TVP23C: variants seen among roughly 807,000 people sequenced by gnomAD.
TVP23C encodes the protein Golgi apparatus membrane protein TVP23 homolog C.
TVP23C carries 19 observed loss-of-function variants against 28.7 expected under a neutral mutation model. That is an observed-to-expected ratio of 0.66 (90% confidence interval 0.46 to 0.97). TVP23C has a LOEUF of 0.97. Ranked by LOEUF, TVP23C falls within the 50% of genes least tolerant of loss-of-function variation. The probability of loss-of-function intolerance (pLI) is 0.00; values close to 1 mark genes in which losing one functional copy is unlikely to be tolerated. For synonymous variants in TVP23C, 68 were observed against 81.7 expected, an observed-to-expected ratio of 0.83 and a Z score of 0.90; for missense variants, 186 against 241.3, an observed-to-expected ratio of 0.77 and a Z score of 1.52.
Position 15,539,434 on chromosome 17 carries a change from C to T in TVP23C, c.*978G>A, listed in dbSNP as rs1389878393. The T allele has an allele frequency of 4.4e-6, 2 of 450,104 alleles. No homozygotes were observed. The highest frequency in any genetic ancestry group is 5.9e-6 in the Non-Finnish European group (2 of 341,114). 27.9% of individuals were successfully genotyped at this position (450,104 alleles called of 1,614,324 possible). ...CATCCTGGCTAACACGGTGAAACCC[C>T]GTCTCTACTAAAAATACAAAAAAGC... On this transcript the variant is annotated 3_prime_UTR_variant, in exon 6 of 6. Coordinates refer to ENST00000518321, the MANE Select transcript of TVP23C (RefSeq NM_001135036.2).
chr17:15,543,494 C>A (rs1983511419), intron 5 of TVP23C, among the ~76,000 whole-genome samples: 1 of 151,502 alleles, frequency 6.6e-6, no homozygotes, highest in African/African-American at 2.4e-5. Context: ...GACTATTTCA[C>A]CCTACAGAAA....
chr17:15,557,557 C>G (rs559351285), intron 1 of TVP23C, among the ~76,000 whole-genome samples: 6 of 149,050 alleles, frequency 4.0e-5, no homozygotes, highest in African/African-American at 9.7e-5. Flanking sequence ...CCTCACCCCC[C>G]CATAGTGCTG....
intron 3 of TVP23C, among the ~76,000 whole-genome samples, chr17:15,550,032 C>G (rs950825245): frequency 1.3e-5 from 2 of 152,128 alleles, no homozygotes; most frequent in South Asian, 2.1e-4. Context: ...CATTTTCTAA[C>G]TCTTTATTTC....
At chr17:15,521,012 A>G (rs1482530308) in intron 5 of TVP23C, among the ~76,000 whole-genome samples, 1 of 151,816 alleles carries the variant, frequency 6.6e-6, no homozygotes, top group African/African-American at 2.4e-5. Context: ...CTAACCACAA[A>G]TAGAAAAGAC....
intron 5 of TVP23C, among the ~76,000 whole-genome samples, chr17:15,514,243 C>CCATA (rs750507033): frequency 4.0e-5 from 6 of 150,450 alleles, no homozygotes; most frequent in Non-Finnish European, 8.8e-5. Context: ...TAACAAAATA[C>CCATA]CATAGCCTGT....
At chr17:15,532,002 T>C (rs1982967348), downstream of TVP23C, among the ~76,000 whole-genome samples, 1 of 152,158 alleles carries the variant, frequency 6.6e-6, no homozygotes, top group Admixed American at 6.5e-5. Context: ...CTTTGTCATG[T>C]TGCAGTCACC....
chr17:15,502,876 G>C, exon 6 of TVP23C: 1 of 1,587,272 alleles, frequency 6.3e-7, no homozygotes, highest in Non-Finnish European at 8.6e-7. Flanking sequence ...AATGCATTCC[G>C]GATGCCAGAT....
chr17:15,555,848 CG>C (rs1984105917), intron 1 of TVP23C, among the ~76,000 whole-genome samples: 1 of 152,102 alleles, frequency 6.6e-6, no homozygotes, highest in African/African-American at 2.4e-5. Flanking sequence ...CATGCCTCCT[CG>C]GGGATTTGTT....
At chr17:15,531,779 T>C (rs1280471730) in intron 5 of TVP23C, among the ~76,000 whole-genome samples, 1 of 152,178 alleles carries the variant, frequency 6.6e-6, no homozygotes, top group Non-Finnish European at 1.5e-5. Context: ...TTTTCTAAGT[T>C]TTTTCCCCCA....
chr17:15,514,796 A>C (rs1982151115), intron 5 of TVP23C, among the ~76,000 whole-genome samples: 1 of 152,184 alleles, frequency 6.6e-6, no homozygotes, highest in African/African-American at 2.4e-5. Context: ...ACTTACAGGA[A>C]ATACACATGA....
At chr17:15,519,931 G>T (rs1356501010) in intron 5 of TVP23C, among the ~76,000 whole-genome samples, 1 of 152,140 alleles carries the variant, frequency 6.6e-6, no homozygotes, top group Non-Finnish European at 1.5e-5. Flanking sequence ...ACTGTCATTT[G>T]GTTAACAGCT....
intron 2 of TVP23C, among the ~76,000 whole-genome samples, chr17:15,554,163 C>T (rs1276269409): frequency 2.6e-5 from 4 of 151,822 alleles, no homozygotes; most frequent in Non-Finnish European, 4.4e-5. Flanking sequence ...TTTCAAATCA[C>T]GCCAAAAGAA....
intron 5 of TVP23C, among the ~76,000 whole-genome samples, chr17:15,521,376 C>T (rs1472537745): frequency 4.6e-5 from 7 of 152,032 alleles, no homozygotes; most frequent in Admixed American, 1.3e-4. Flanking sequence ...TGGTGGTGGG[C>T]GCCTGCAGTT....
intron 5 of TVP23C, among the ~76,000 whole-genome samples, chr17:15,523,948 G>A (rs1982600906): frequency 6.6e-6 from 1 of 152,162 alleles, no homozygotes; most frequent in African/African-American, 2.4e-5. Context: ...AGAAGACAAA[G>A]GTTAAATATC....
At chr17:15,512,397 T>C (rs1052340082) in intron 5 of TVP23C, among the ~76,000 whole-genome samples, 1 of 152,164 alleles carries the variant, frequency 6.6e-6, no homozygotes, top group Non-Finnish European at 1.5e-5. Flanking sequence ...ACTCTCTCCA[T>C]ATCACCCTGG....
intron 5 of TVP23C, among the ~76,000 whole-genome samples, chr17:15,504,309 G>C (rs911968743): frequency 2.6e-5 from 4 of 152,144 alleles, no homozygotes; most frequent in Non-Finnish European, 5.9e-5. Context: ...CTTTGTCTTT[G>C]CCAATTTGTC....
chr17:15,553,684 C>T lies in TVP23C; in HGVS notation c.240+1G>A, dbSNP rs575683530. 42 of 1,594,820 alleles carry T rather than the reference C, an allele frequency of 2.6e-5. No homozygotes were observed. The highest frequency in any genetic ancestry group is 3.6e-5 in the Non-Finnish European group (42 of 1,175,008). ...TTTAAAATAAAAACAATCAAAATTA[C>T]CTTCACTGCCCAAAAGTCACACGAC... On this transcript the variant is annotated splice_donor_variant, in intron 3 of 5. Coordinates refer to ENST00000518321, the MANE Select transcript of TVP23C (RefSeq NM_001135036.2). LOFTEE classifies it high-confidence loss of function.
intron 5 of TVP23C, among the ~76,000 whole-genome samples, chr17:15,518,836 G>C (rs1982344986): frequency 6.6e-6 from 1 of 152,130 alleles, no homozygotes; most frequent in Non-Finnish European, 1.5e-5. Flanking sequence ...GATATGGTTT[G>C]GCTCTGTGAC....
chr17:15,533,743 G>T (rs1983039416), downstream of TVP23C, among the ~76,000 whole-genome samples: 1 of 152,064 alleles, frequency 6.6e-6, no homozygotes, highest in Non-Finnish European at 1.5e-5. Context: ...GGTTGTGTTG[G>T]GTGATTTCAA....
Sources: allele counts gnomAD v4.1 joint callset (sites outside exome capture counted in the v4.1 genomes callset), GRCh38; gene constraint gnomAD v4.1.1; transcripts MANE v1.5; gene names NCBI Gene and HGNC (gene_info 2026-07-23, HGNC 2026-07-21).